Variants in ENTREP2 observed in about 807,000 individuals in gnomAD.
ENTREP2 encodes endosomal transmembrane epsin interactor 2, also known as protein ENTREP2.
chr15:29,468,594 G>C, the ENTREP2 span, among the ~76,000 whole-genome samples: 25 of 128,734 alleles, frequency 1.9e-4, no homozygotes, highest in African/African-American at 6.2e-4. Context: ...TGCGCAACGA[G>C]AGCAAAACTC....
At chr15:29,283,461 G>A in the ENTREP2 span, among the ~76,000 whole-genome samples, 1 of 152,108 alleles carries the variant, frequency 6.6e-6, no homozygotes, top group Non-Finnish European at 1.5e-5. Context: ...TGATTCTCCT[G>A]TCTCAGCCTT....
the ENTREP2 span, among the ~76,000 whole-genome samples, chr15:29,539,457 A>C: frequency 2.0e-5 from 3 of 151,818 alleles, no homozygotes; most frequent in Non-Finnish European, 4.4e-5. Context: ...CTTTTTCTTT[A>C]AGCTAATCAG....
At chr15:29,332,687 G>C in the ENTREP2 span, among the ~76,000 whole-genome samples, 1 of 152,046 alleles carries the variant, frequency 6.6e-6, no homozygotes. Flanking sequence ...GAGCCGGGTG[G>C]GGTGGCTCAT....
the ENTREP2 span, among the ~76,000 whole-genome samples, chr15:29,410,778 C>A: frequency 6.6e-6 from 1 of 152,156 alleles, no homozygotes; most frequent in South Asian, 2.1e-4. Context: ...TTTCGTTAGA[C>A]CACAGAACTT....
the ENTREP2 span, among the ~76,000 whole-genome samples, chr15:29,227,588 A>C: frequency 6.6e-6 from 1 of 152,108 alleles, no homozygotes; most frequent in Non-Finnish European, 1.5e-5. Context: ...CAGAACAGGG[A>C]TGCCCACCCC....
At chr15:29,630,067 G>A in the ENTREP2 span, among the ~76,000 whole-genome samples, 1 of 152,132 alleles carries the variant, frequency 6.6e-6, no homozygotes, top group Non-Finnish European at 1.5e-5. Context: ...AGTGAGCCGA[G>A]AGCATGCCAC....
the ENTREP2 span, among the ~76,000 whole-genome samples, chr15:29,578,729 G>A: frequency 6.6e-6 from 1 of 152,206 alleles, no homozygotes; most frequent in South Asian, 2.1e-4. Context: ...CACGTTTGCA[G>A]TATCCTAATG....
the ENTREP2 span, among the ~76,000 whole-genome samples, chr15:29,286,734 G>C: frequency 2.0e-5 from 3 of 152,242 alleles, no homozygotes; most frequent in South Asian, 6.2e-4. Flanking sequence ...CAGCATCAAA[G>C]TTCCAAATAG....
At chr15:29,340,102 A>G in the ENTREP2 span, among the ~76,000 whole-genome samples, 6 of 152,246 alleles carry the variant, frequency 3.9e-5, no homozygotes, top group East Asian at 1.2e-3. Context: ...GCTGCAAGAT[A>G]AAACTGACTT....
chr15:29,459,419 G>C, the ENTREP2 span, among the ~76,000 whole-genome samples: 2 of 152,130 alleles, frequency 1.3e-5, no homozygotes, highest in African/African-American at 4.8e-5. Flanking sequence ...TCTTCTCTAG[G>C]GAGCAATGTA....
chr15:29,389,695 T>C, the ENTREP2 span, among the ~76,000 whole-genome samples: 1 of 152,242 alleles, frequency 6.6e-6, no homozygotes, highest in Non-Finnish European at 1.5e-5. Flanking sequence ...CACAGTGCTA[T>C]GGTGGACACT....
the ENTREP2 span, among the ~76,000 whole-genome samples, chr15:29,501,330 A>G: frequency 1.3e-5 from 2 of 152,146 alleles, no homozygotes; most frequent in South Asian, 4.1e-4. Context: ...ATTCACCATG[A>G]CCAAGTAGAG....
At chr15:29,564,033 C>T in the ENTREP2 span, among the ~76,000 whole-genome samples, 3 of 152,044 alleles carry the variant, frequency 2.0e-5, no homozygotes, top group African/African-American at 7.2e-5. Context: ...GAGGCTGGAT[C>T]GTATTCCTTT....
chr15:29,205,894 CCTTT>C, the ENTREP2 span, among the ~76,000 whole-genome samples: 6 of 152,152 alleles, frequency 3.9e-5, no homozygotes, highest in Admixed American at 1.3e-4. Flanking sequence ...ATTTTTGCTT[CCTTT>C]GTCTCAAGAA....
chr15:29,314,041 A>G, the ENTREP2 span, among the ~76,000 whole-genome samples: 1 of 152,244 alleles, frequency 6.6e-6, no homozygotes, highest in African/African-American at 2.4e-5. Context: ...TTAGAAGTGG[A>G]GCCTAAAGAT....
the ENTREP2 span, among the ~76,000 whole-genome samples, chr15:29,631,064 A>G: frequency 1.3e-5 from 2 of 152,214 alleles, no homozygotes; most frequent in African/African-American, 4.8e-5. Context: ...CTCATTCAGC[A>G]AACTGTTTCT....
chr15:29,350,570 G>C, the ENTREP2 span, among the ~76,000 whole-genome samples: 1 of 152,176 alleles, frequency 6.6e-6, no homozygotes, highest in African/African-American at 2.4e-5. Flanking sequence ...TTTGTGAAAT[G>C]TGAAAAGTAA....
At chr15:29,168,907 A>G in the ENTREP2 span, among the ~76,000 whole-genome samples, 3 of 152,248 alleles carry the variant, frequency 2.0e-5, no homozygotes, top group Non-Finnish European at 2.9e-5. Context: ...GGCTTTTGTC[A>G]TCTGAAACAA....
chr15:29,201,925 T>C, the ENTREP2 span, among the ~76,000 whole-genome samples: 3 of 152,236 alleles, frequency 2.0e-5, no homozygotes, highest in Non-Finnish European at 2.9e-5. Flanking sequence ...TTGGAAGTTT[T>C]AGAATTATAA....
Sources: allele counts gnomAD v4.1 joint callset (sites outside exome capture counted in the v4.1 genomes callset), GRCh38; gene constraint gnomAD v4.1.1; transcripts MANE v1.5; gene names NCBI Gene and HGNC (gene_info 2026-07-23, HGNC 2026-07-21).